The following ARHGEF28 variants were observed in gnomAD, a reference collection of about 807,000 sequenced individuals.
ARHGEF28 encodes the protein Rho guanine nucleotide exchange factor 28, also known as 190 kDa guanine nucleotide exchange factor.
In ARHGEF28, 152 loss-of-function variants were observed where a neutral mutation model predicts 206.6. That is an observed-to-expected ratio of 0.74 (90% CI 0.64 to 0.84). The LOEUF (loss-of-function observed/expected upper bound fraction) is 0.84. Among genes scored for constraint, ARHGEF28 ranks in the 40% least tolerant of loss-of-function variants. ARHGEF28 has a pLI of 0.00. For missense variants in ARHGEF28, 2,028 were observed against 2,073.2 expected (o/e 0.98, Z 0.42); for synonymous variants, 763 against 776.4 (o/e 0.98, Z 0.29).
intron 1 of ARHGEF28, among the ~76,000 whole-genome samples, chr5:73,673,898 G>A (rs912210177): frequency 6.6e-6 from 1 of 151,976 alleles, no homozygotes; most frequent in Non-Finnish European, 1.5e-5. Context: ...CTGTAGGCCG[G>A]GGCAGTGGTT....
chr5:73,897,750 C>T (rs886874049), intron 29 of ARHGEF28, among the ~76,000 whole-genome samples: 9 of 152,204 alleles, frequency 5.9e-5, no homozygotes, highest in African/African-American at 2.2e-4. Flanking sequence ...TTTTGTAAAT[C>T]ACACAGTCTC....
chr5:73,901,847 C>T (rs1162932156), intron 31 of ARHGEF28: 1 of 152,258 alleles, frequency 6.6e-6, no homozygotes, highest in Admixed American at 6.5e-5. Context: ...TTTTGACTTA[C>T]TGCTATAGAC....
Position 73,916,628 on chromosome 5 carries a change from C to T in ARHGEF28, c.4948+5053C>T, listed in dbSNP as rs1412571078. The stretch of plus-strand genomic sequence containing the variant: ...TTGGATTAGGGCCCACCATAATGAC[C>T]TCAATTAACTTTATTCTTTAAAGCT... On this transcript the variant is annotated intron_variant, in intron 35 of 35. Coordinates refer to ENST00000513042, the MANE Select transcript of ARHGEF28 (RefSeq NM_001177693.2). Among the ~76,000 whole-genome samples, 8 of 152,130 alleles carry T rather than the reference C, an allele frequency of 5.3e-5. 1 individual carries two copies. Among genetic ancestry groups the T allele is most frequent in the Admixed American group, 4.6e-4 (7 of 15,278 alleles).
At chr5:73,806,042 C>A (rs1279467336) in intron 9 of ARHGEF28, among the ~76,000 whole-genome samples, 2 of 151,222 alleles carry the variant, frequency 1.3e-5, no homozygotes, top group Non-Finnish European at 3.0e-5. Context: ...TCATTTGATA[C>A]CTCATAGTTA....
At chr5:73,838,837 T>C (rs1233968029) in intron 10 of ARHGEF28, among the ~76,000 whole-genome samples, 1 of 152,148 alleles carries the variant, frequency 6.6e-6, no homozygotes, top group Non-Finnish European at 1.5e-5. Flanking sequence ...ATTAGCTATC[T>C]CCAGACCTTG....
chr5:73,719,080 C>T (rs1387245565), intron 2 of ARHGEF28, among the ~76,000 whole-genome samples: 1 of 152,206 alleles, frequency 6.6e-6, no homozygotes, highest in Non-Finnish European at 1.5e-5. Context: ...CAAGACTCAG[C>T]TGTTTTGCCT....
At chr5:73,884,928 C>G (rs971219779) in intron 24 of ARHGEF28, among the ~76,000 whole-genome samples, 1 of 152,030 alleles carries the variant, frequency 6.6e-6, no homozygotes, top group Non-Finnish European at 1.5e-5. Context: ...TAGCACAGCA[C>G]TTGGGTACCA....
rs774195275 is a variant in ARHGEF28 at position 73,846,421 on chromosome 5, T to C, written c.1581T>C (p.Asp527=). The C allele has an allele frequency of 1.4e-5, 23 of 1,613,988 alleles. No homozygotes were observed. The highest frequency in any genetic ancestry group is 1.9e-5 in the Non-Finnish European group (23 of 1,179,870). Residue 527 remains aspartate (D), a synonymous_variant, in exon 12 of 36, where the codon GAT becomes GAC. Coordinates refer to ENST00000513042, the MANE Select transcript of ARHGEF28 (RefSeq NM_001177693.2). ...CTTTTGAGACTAACACTGAACCGGATTTTAATATCTCCAGGGCTGAATCCC... is the reference window on the plus strand; with the variant it reads ...CTTTTGAGACTAACACTGAACCGGACTTTAATATCTCCAGGGCTGAATCCC... ...LDSFETNTEP[D]FNISRAESLP...
At position 73,883,902 on chromosome 5, in the gene ARHGEF28, G is replaced by C; in HGVS notation, c.3055+18G>C. On this transcript the variant is annotated intron_variant, in intron 24 of 35. Transcript: ENST00000513042. The stretch of plus-strand genomic sequence containing the variant: ...CACAAAGGGTAAGTTGTGACTTCTG[G>C]GATAAAAATTTGCCCCTCTTATTAG... The C allele has an allele frequency of 6.9e-7, 1 of 1,456,906 alleles. No individual in the cohort carries two copies. Among genetic ancestry groups the C allele is most frequent in the South Asian group, 1.4e-5 (1 of 69,004 alleles). 90.2% of individuals were successfully genotyped at this position (1,456,906 alleles called of 1,614,324 possible).
intron 1 of ARHGEF28, among the ~76,000 whole-genome samples, chr5:73,674,860 G>T (rs1303501792): frequency 7.2e-5 from 11 of 152,230 alleles, no homozygotes; most frequent in African/African-American, 2.4e-4. Flanking sequence ...ACACGTGGAG[G>T]TTCCTGGAGG....
intron 2 of ARHGEF28, among the ~76,000 whole-genome samples, chr5:73,737,489 TTTC>T (rs1272729696): frequency 8.0e-6 from 1 of 124,652 alleles, no homozygotes; most frequent in Admixed American, 8.9e-5. Context: ...TTTCTTTTCT[TTTC>T]TTTTCTTTTC....
chr5:73,893,111 A>T, intron 27 of ARHGEF28, 86 bp from the exon 28 acceptor site: 1 of 1,108,946 alleles, frequency 9.0e-7, no homozygotes, highest in Non-Finnish European at 1.2e-6. Context: ...GAATAAATCT[A>T]TTGCCAAGTT....
intron 2 of ARHGEF28, among the ~76,000 whole-genome samples, chr5:73,720,810 C>T (rs1352869053): frequency 1.3e-5 from 2 of 152,290 alleles, no homozygotes; most frequent in East Asian, 3.9e-4. Context: ...ATCCAAACAA[C>T]CCCACAACAA....
chr5:73,909,892 C>G lies in ARHGEF28; in HGVS notation c.4642C>G (p.Pro1548Ala). The G allele has an allele frequency of 6.6e-7, 1 of 1,506,832 alleles. No individual in the cohort carries two copies. Among genetic ancestry groups the G allele is most frequent in the African/African-American group, 1.4e-5 (1 of 71,592 alleles). The allele number at this position is 1,506,832 out of a possible 1,614,324, so 93.3% of individuals were successfully genotyped here. Residue 1548 changes from proline (P) to alanine (A), a missense_variant, in exon 34 of 36, where the codon CCC becomes GCC. Around this residue, in one of 3 missense-constraint regions of ARHGEF28, gnomAD observed 803 missense variants for 768.0 expected, o/e 1.05. Transcript: ENST00000513042. Reference sequence around the variant, plus strand: ...GCCCGCGGTGCTCCTTCCGGGTGGCCCCGAGGTATGGACCTTCTGCGGTGC... The same window carrying G: ...GCCCGCGGTGCTCCTTCCGGGTGGCGCCGAGGTATGGACCTTCTGCGGTGC... ...SLPAVLLPGG[P>A]EVMELNRSES...
intron 35 of ARHGEF28, among the ~76,000 whole-genome samples, chr5:73,917,657 G>GC (rs1763283542): frequency 6.6e-6 from 1 of 152,240 alleles, no homozygotes; most frequent in Non-Finnish European, 1.5e-5. Flanking sequence ...CAGCCAGCCA[G>GC]CCATGCGGGT....
intron 5 of ARHGEF28, among the ~76,000 whole-genome samples, chr5:73,776,203 A>C (rs1753531013): frequency 6.6e-6 from 1 of 152,206 alleles, no homozygotes; most frequent in Non-Finnish European, 1.5e-5. Flanking sequence ...ATCTTTTCAG[A>C]TTAAAAGGAG....
At chr5:73,690,075 G>A (rs56301247) in intron 2 of ARHGEF28, among the ~76,000 whole-genome samples, 111,720 of 151,212 alleles carry the variant, frequency 0.74, 41,363 homozygotes, top group East Asian at 0.82. Flanking sequence ...ATTATTTTAA[G>A]ATTTCACGTT....
intron 1 of ARHGEF28, among the ~76,000 whole-genome samples, chr5:73,639,228 C>CATAT (rs112312521): frequency 0.024 from 3,482 of 145,044 alleles, 123 homozygotes; most frequent in African/African-American, 0.075. Flanking sequence ...TTTTCTATTA[C>CATAT]ATATATATAT....
chr5:73,865,903 A>G (rs1737687547), intron 17 of ARHGEF28, 62 bp from the exon 18 acceptor site: 1 of 1,172,156 alleles, frequency 8.5e-7, no homozygotes, highest in South Asian at 1.4e-5. Flanking sequence ...AACTATGTGG[A>G]TATTCTTATA....
Sources: allele counts gnomAD v4.1 joint callset (sites outside exome capture counted in the v4.1 genomes callset), GRCh38; gene constraint gnomAD v4.1.1; regional missense constraint gnomAD v4.1.1; transcripts MANE v1.5; gene names NCBI Gene and HGNC (gene_info 2026-07-23, HGNC 2026-07-21).